Variants in TNFAIP8 observed in about 807,000 individuals in gnomAD.
TNFAIP8 encodes the protein TNF alpha induced protein 8, also known as tumor necrosis factor alpha-induced protein 8.
A neutral mutation model predicts 13.3 loss-of-function variants in TNFAIP8; 7 were observed. That is an observed-to-expected ratio of 0.52 (90% CI 0.30 to 0.99). TNFAIP8 has a LOEUF of 0.99. Among genes scored for constraint, TNFAIP8 ranks in the 50% least tolerant of loss-of-function variants. The probability of loss-of-function intolerance (pLI) is 0.07; values close to 1 mark genes in which losing one functional copy is unlikely to be tolerated. For synonymous variants in TNFAIP8, 94 were observed against 87.6 expected, an observed-to-expected ratio of 1.07 and a Z score of -0.41; for missense variants, 258 against 236.9, an observed-to-expected ratio of 1.09 and a Z score of -0.58.
chr5:119,293,564 T>G (rs536869627), intron 1 of TNFAIP8, among the ~76,000 whole-genome samples: 1 of 152,356 alleles, frequency 6.6e-6, no homozygotes, highest in Admixed American at 6.5e-5. Context: ...ATTGTGTATG[T>G]GTACTATATT....
rs1174308333 is a variant in TNFAIP8 at position 119,398,935 on chromosome 5, C to G, written c.*5554C>G. On this transcript the variant is annotated 3_prime_UTR_variant, in exon 2 of 2. Transcript: ENST00000504771. ...TGTCAGCATCTTTTGCTGCTCTCTT[C>G]TAAGACCATTGGTTTTCACTAAAGG... The G allele has an allele frequency of 6.6e-6, 1 of 152,184 alleles. No homozygotes were observed. The highest frequency in any genetic ancestry group is 1.5e-5 in the Non-Finnish European group (1 of 68,030). 9.4% of individuals were successfully genotyped at this position (152,184 alleles called of 1,614,324 possible). A position where few individuals can be genotyped will look rare whatever the true frequency, so the allele number is the denominator to read the frequency against.
rs1287568875 is a variant in TNFAIP8 at position 119,398,060 on chromosome 5, G to A, written c.*4679G>A. The A allele has an allele frequency of 6.6e-6, 1 of 152,158 alleles. No individual in the cohort carries two copies. Among genetic ancestry groups the A allele is most frequent in the African/African-American group, 2.4e-5 (1 of 41,438 alleles). The allele number at this position is 152,158 out of a possible 1,614,324, so 9.4% of individuals were successfully genotyped here. On this transcript the variant is annotated 3_prime_UTR_variant, in exon 2 of 2. Coordinates refer to ENST00000504771, the MANE Select transcript of TNFAIP8 (RefSeq NM_014350.4). Reference sequence around the variant, plus strand: ...ATTAAGAGAAAAACATCTGTGCTTTGGAAAATGTTCTTCAAGGATAGAGAA... The same window carrying A: ...ATTAAGAGAAAAACATCTGTGCTTTAGAAAATGTTCTTCAAGGATAGAGAA...
At chr5:119,392,777 C>G (rs1394280822) in intron 1 of TNFAIP8, 39 bp from the exon 2 acceptor site, 1 of 1,488,634 alleles carries the variant, frequency 6.7e-7, no homozygotes, top group Non-Finnish European at 8.9e-7. Flanking sequence ...CTGATATTTA[C>G]TAATTGTTAA....
At chr5:119,346,231 C>A (rs375992172) in intron 1 of TNFAIP8, among the ~76,000 whole-genome samples, 1 of 152,132 alleles carries the variant, frequency 6.6e-6, no homozygotes, top group African/African-American at 2.4e-5. Flanking sequence ...CAAAATCAAC[C>A]GAGAGGGATG....
intron 1 of TNFAIP8, among the ~76,000 whole-genome samples, chr5:119,361,998 C>G (rs542985317): frequency 6.6e-6 from 1 of 152,264 alleles, no homozygotes; most frequent in African/African-American, 2.4e-5. Context: ...ACCCCATCTT[C>G]AGAGAGTTTT....
rs180955616 is a variant in TNFAIP8 at position 119,356,475 on chromosome 5, G to A, written c.31+354G>A. Among the ~76,000 whole-genome samples the A allele has an allele frequency of 9.3e-4, 141 of 152,300 alleles. 1 individual carries two copies. The highest frequency in any genetic ancestry group is 3.3e-3 in the African/African-American group (136 of 41,566). ...TGCCTGCATCAGAAAGACTGAAAGC[G>A]GGATCCCTGGAAGAGCCCTGAGTGG... On this transcript the variant is annotated intron_variant, in intron 1 of 1. Transcript: ENST00000504771.
chr5:119,301,769 G>T (rs1240497660), intron 1 of TNFAIP8, among the ~76,000 whole-genome samples: 1 of 152,104 alleles, frequency 6.6e-6, no homozygotes, highest in Non-Finnish European at 1.5e-5. Flanking sequence ...AAGTATTAAG[G>T]CACATATTTG....
rs10519578 is a variant in TNFAIP8, at chr5:119,288,226, A to G, written c.1+19319A>G. ...GTTTAATGTTCTGTTTCCTCTTAAC[A>G]TTATTTTGTACACAGTTTTTCATGT... On this transcript the variant is annotated intron_variant, in intron 1 of 1. Coordinates refer to the TNFAIP8 transcript ENST00000274456. Among the ~76,000 whole-genome samples, 997 of 152,248 alleles carry G rather than the reference A, an allele frequency of 6.5e-3. 44 individuals are homozygous for G. The East Asian group carries it at 0.13, about 20-fold the overall frequency.
At chr5:119,381,536 C>A (rs1327869672) in intron 1 of TNFAIP8, among the ~76,000 whole-genome samples, 2 of 151,796 alleles carry the variant, frequency 1.3e-5, no homozygotes, top group Non-Finnish European at 2.9e-5. Context: ...AAGACCCTGT[C>A]TCAAAAAATA....
chr5:119,366,477 T>C (rs1042114008), intron 1 of TNFAIP8, among the ~76,000 whole-genome samples: 4 of 152,238 alleles, frequency 2.6e-5, no homozygotes, highest in African/African-American at 7.2e-5. Flanking sequence ...GGCAGTGTTA[T>C]GTTGGCTTGG....
intron 1 of TNFAIP8, among the ~76,000 whole-genome samples, chr5:119,312,745 CAAA>C (rs869226026): frequency 5.1e-4 from 22 of 43,354 alleles, no homozygotes; most frequent in African/African-American, 1.5e-3. Flanking sequence ...GCAAAAAATA[CAAA>C]AAAAAAAAAA....
In TNFAIP8 at chr5:119,360,497, G is replaced by A. The variant is rs562338285; in HGVS notation, c.31+4376G>A. On this transcript the variant is annotated intron_variant, in intron 1 of 1. Coordinates refer to ENST00000504771, the MANE Select transcript of TNFAIP8 (RefSeq NM_014350.4). ...GTTTAAGGAAGGTCTGTAGTAAGAA[G>A]TCTTCTGTAATTTAAAGTGCCCTTC... is the stretch of plus-strand genomic sequence containing the variant. Among the ~76,000 whole-genome samples, 5 of 152,278 alleles carry A rather than the reference G, an allele frequency of 3.3e-5. No homozygotes were observed. The East Asian group carries it at 5.8e-4, about 18-fold the overall frequency.
intron 1 of TNFAIP8, among the ~76,000 whole-genome samples, chr5:119,350,126 C>A (rs2112753336): frequency 6.6e-6 from 1 of 152,286 alleles, no homozygotes; most frequent in South Asian, 2.1e-4. Flanking sequence ...CTGCTAAGTA[C>A]ATCCAGCCCT....
intron 1 of TNFAIP8, among the ~76,000 whole-genome samples, chr5:119,386,089 C>T (rs562987058): frequency 1.3e-5 from 2 of 152,154 alleles, no homozygotes; most frequent in African/African-American, 4.8e-5. Context: ...TAAGTTGCCA[C>T]AGAAAAAGAA....
At position 119,394,613 on chromosome 5, in the gene TNFAIP8, T is replaced by TTTTTC. The variant is rs1439276763; in HGVS notation, c.*1236_*1237insCTTTT. 2.1e-5 allele frequency: 3 copies of TTTTTC among 142,758 alleles called. No homozygotes were observed. The highest frequency in any genetic ancestry group is 4.6e-5 in the Non-Finnish European group (3 of 65,776). The allele number at this position is 142,758 out of a possible 1,614,324, so 8.8% of individuals were successfully genotyped here. A position where few individuals can be genotyped will look rare whatever the true frequency, so the allele number is the denominator to read the frequency against. ...TTTCCATTGTCACTGTGTCTATGATTTTTTTTTTTTTTTTTTTGAGTCTCG... is the reference window on the plus strand; with the variant it reads ...TTTCCATTGTCACTGTGTCTATGATTTTTTCTTTTTTTTTTTTTTTTTGAGTCTCG... On this transcript the variant is annotated 3_prime_UTR_variant, in exon 2 of 2. Transcript: ENST00000504771.
At chr5:119,300,516 C>G (rs1407431753) in intron 1 of TNFAIP8, among the ~76,000 whole-genome samples, 1 of 152,208 alleles carries the variant, frequency 6.6e-6, no homozygotes, top group South Asian at 2.1e-4. Flanking sequence ...ATATTGCATT[C>G]CTGACTCAGT....
At chr5:119,384,118 C>G (rs889199153) in intron 1 of TNFAIP8, among the ~76,000 whole-genome samples, 2 of 152,188 alleles carry the variant, frequency 1.3e-5, no homozygotes, top group African/African-American at 4.8e-5. Context: ...CTTAATTTCT[C>G]TGGGCCTCAG....
At chr5:119,367,021 G>C (rs990519734) in intron 1 of TNFAIP8, among the ~76,000 whole-genome samples, 1 of 152,136 alleles carries the variant, frequency 6.6e-6, no homozygotes, top group Non-Finnish European at 1.5e-5. Flanking sequence ...AGGGTTAATC[G>C]GGTAAATTAT....
intron 1 of TNFAIP8, among the ~76,000 whole-genome samples, chr5:119,278,989 A>G (rs1479051119): frequency 1.3e-5 from 2 of 152,194 alleles, no homozygotes; most frequent in African/African-American, 2.4e-5. Flanking sequence ...GGTATCCATC[A>G]TATAGAGAAT....
Sources: allele counts gnomAD v4.1 joint callset (sites outside exome capture counted in the v4.1 genomes callset), GRCh38; gene constraint gnomAD v4.1.1; transcripts MANE v1.5; gene names NCBI Gene and HGNC (gene_info 2026-07-23, HGNC 2026-07-21).